The following ATXN8OS variants were observed in gnomAD, a reference collection of about 807,000 sequenced individuals.
The protein encoded by ATXN8OS is ATXN8 opposite strand (non-protein coding).
At chr13:70,147,854 T>G (rs1021018918) in intron 4 of ATXN8OS, among the ~76,000 whole-genome samples, 2 of 152,100 alleles carry the variant, frequency 1.3e-5, no homozygotes, top group Non-Finnish European at 2.9e-5. Context: ...GGGATACAGT[T>G]TGATTTTATA....
At chr13:70,156,277 T>C (rs538289859) in intron 4 of ATXN8OS, among the ~76,000 whole-genome samples, 1 of 151,756 alleles carries the variant, frequency 6.6e-6, no homozygotes, top group South Asian at 2.1e-4. Context: ...GTGTTTATAT[T>C]GGTTAAATTC....
chr13:70,120,126 TTGTTA>T (rs1336177644), intron 2 of ATXN8OS, among the ~76,000 whole-genome samples: 3 of 152,300 alleles, frequency 2.0e-5, no homozygotes, highest in African/African-American at 7.2e-5. Context: ...CAATTTTTTC[TTGTTA>T]TTTTATCATT....
At chr13:70,113,032 C>T (rs895610494) in intron 1 of ATXN8OS, among the ~76,000 whole-genome samples, 1 of 149,262 alleles carries the variant, frequency 6.7e-6, no homozygotes, top group Non-Finnish European at 1.5e-5. Context: ...AAGTGATTCT[C>T]TTGCCTCAGC....
intron 2 of ATXN8OS, among the ~76,000 whole-genome samples, chr13:70,116,158 TAAA>T (rs5804476): frequency 2.7e-5 from 4 of 147,330 alleles, no homozygotes; most frequent in African/African-American, 5.0e-5. Context: ...GTGTATCAGT[TAAA>T]AAAAAAAAAA....
In ATXN8OS at chr13:70,149,395, C is replaced by G. The variant is rs181784648; in HGVS notation, n.573+1967C>G. 5.7e-4 allele frequency among the ~76,000 whole-genome samples: 86 copies of G among 152,114 alleles called. 1 individual carries two copies. The highest frequency in any genetic ancestry group is 2.0e-3 in the African/African-American group (83 of 41,518). On this transcript the variant is annotated intron_variant and non_coding_transcript_variant, in intron 4 of 4. Transcript: ENST00000678624. Reference sequence around the variant, plus strand: ...ATTAAATTATGTATATATTTTTACTCTTCATTAAATGAAATTTAGAGACAT... The same window carrying G: ...ATTAAATTATGTATATATTTTTACTGTTCATTAAATGAAATTTAGAGACAT...
At chr13:70,130,605 G>A in intron 3 of ATXN8OS, 1 of 397,692 alleles carries the variant, frequency 2.5e-6, no homozygotes. Flanking sequence ...AGTTGTGGGA[G>A]AGATGGGTAA....
chr13:70,160,734 ATAATTTT>A (rs1888997246), intron 4 of ATXN8OS, among the ~76,000 whole-genome samples: 4 of 36,222 alleles, frequency 1.1e-4, no homozygotes, highest in Non-Finnish European at 4.7e-4. Context: ...ATATATTTAT[ATAATTTT>A]TATATATAAT....
chr13:70,169,312 T>C (rs1483533429), intron 4 of ATXN8OS, among the ~76,000 whole-genome samples: 1 of 152,164 alleles, frequency 6.6e-6, no homozygotes, highest in East Asian at 1.9e-4. Context: ...TTGTTTGTTT[T>C]TTGAGACTGA....
chr13:70,140,742 T>C (rs888780252), intron 3 of ATXN8OS, among the ~76,000 whole-genome samples: 4 of 152,106 alleles, frequency 2.6e-5, no homozygotes, highest in Non-Finnish European at 5.9e-5. Flanking sequence ...TGGTTTTATA[T>C]CATTTTCCTG....
At chr13:70,107,782 G>A in exon 1 of ATXN8OS, 1 of 1,111,080 alleles carries the variant, frequency 9.0e-7, no homozygotes, top group Non-Finnish European at 1.2e-6. Flanking sequence ...CGGGGCCCGG[G>A]GGCGGAGGAA....
chr13:70,145,329 T>C lies in ATXN8OS; in HGVS notation n.500-2026T>C, dbSNP rs575198235. Among the ~76,000 whole-genome samples the C allele has an allele frequency of 1.4e-3, 210 of 152,114 alleles. 1 individual carries two copies. Among genetic ancestry groups the C allele is most frequent in the African/African-American group, 4.9e-3 (205 of 41,486 alleles). On this transcript the variant is annotated intron_variant and non_coding_transcript_variant, in intron 3 of 4. Coordinates refer to ENST00000678624, the Ensembl canonical transcript of ATXN8OS. ...TTTTGGCTTAGGATTGACTTGGTGA[T>C]ACGGGCTCTTTTTTGGTTCCATATG...
chr13:70,160,467 G>A (rs533653672), intron 4 of ATXN8OS, among the ~76,000 whole-genome samples: 9 of 151,686 alleles, frequency 5.9e-5, no homozygotes, highest in Middle Eastern at 3.4e-3. Context: ...AAGTTAGTTC[G>A]GCATGAAGTT....
chr13:70,115,759 A>C (rs1395774723), intron 2 of ATXN8OS, among the ~76,000 whole-genome samples: 1 of 152,170 alleles, frequency 6.6e-6, no homozygotes, highest in Non-Finnish European at 1.5e-5. Flanking sequence ...GTCAGGAAAC[A>C]TATAATACTT....
At chr13:70,147,907 T>G (rs1019864347) in intron 4 of ATXN8OS, among the ~76,000 whole-genome samples, 5 of 152,330 alleles carry the variant, frequency 3.3e-5, no homozygotes, top group African/African-American at 9.6e-5. Context: ...ATAATACATG[T>G]AAAGCATATA....
chr13:70,126,037 G>A (rs1888429059), intron 2 of ATXN8OS, among the ~76,000 whole-genome samples: 1 of 152,090 alleles, frequency 6.6e-6, no homozygotes, highest in African/African-American at 2.4e-5. Flanking sequence ...TTGCCATCCT[G>A]ACTATTACAA....
At chr13:70,123,548 T>C (rs938871631) in intron 2 of ATXN8OS, among the ~76,000 whole-genome samples, 1 of 152,144 alleles carries the variant, frequency 6.6e-6, no homozygotes, top group Non-Finnish European at 1.5e-5. Flanking sequence ...CTTGTACCAC[T>C]GTAACTCTGC....
At chr13:70,133,408 A>ATGTACT (rs1204109849) in intron 3 of ATXN8OS, among the ~76,000 whole-genome samples, 1 of 152,184 alleles carries the variant, frequency 6.6e-6, no homozygotes, top group Non-Finnish European at 1.5e-5. Flanking sequence ...TGAAAAAAAT[A>ATGTACT]GCATAAAGGA....
chr13:70,147,289 G>A (rs930280168), intron 3 of ATXN8OS, among the ~76,000 whole-genome samples: 7 of 152,126 alleles, frequency 4.6e-5, no homozygotes, highest in African/African-American at 1.7e-4. Context: ...ACCTGCCAAA[G>A]TTATAGAGAA....
At chr13:70,153,506 T>G (rs576120573) in intron 4 of ATXN8OS, among the ~76,000 whole-genome samples, 1 of 152,146 alleles carries the variant, frequency 6.6e-6, no homozygotes, top group Admixed American at 6.5e-5. Context: ...ACCCGGGAGA[T>G]GGAGGTTGCA....
Sources: allele counts gnomAD v4.1 joint callset (sites outside exome capture counted in the v4.1 genomes callset), GRCh38; gene constraint gnomAD v4.1.1; transcripts MANE v1.5; gene names NCBI Gene and HGNC (gene_info 2026-07-23, HGNC 2026-07-21).